Variants in TSPAN7 observed in about 807,000 individuals in gnomAD.
TSPAN7 encodes the protein tetraspanin-7.
A neutral mutation model predicts 17.6 loss-of-function variants in TSPAN7; 1 was observed. The observed-to-expected ratio is 0.06, with a 90% CI of 0.02 to 0.27. TSPAN7 has a LOEUF of 0.27. Among genes scored for constraint, TSPAN7 ranks in the 10% least tolerant of loss-of-function variants. The pLI, the probability that TSPAN7 is intolerant of heterozygous loss-of-function variation, is 1.00. For missense variants in TSPAN7, 112 were observed against 201.7 expected, an observed-to-expected ratio of 0.56 and a Z score of 2.69; for synonymous variants, 78 against 79.0, an observed-to-expected ratio of 0.99 and a Z score of 0.07.
intron 1 of TSPAN7, among the ~76,000 whole-genome samples, chrX:38,624,687 C>G (rs2069511092): frequency 8.9e-6 from 1 of 112,648 alleles, no homozygotes; most frequent in African/African-American, 3.2e-5. Context: ...TGTTTTTAAT[C>G]TTTCTGTATC....
chrX:38,563,134 G>C, intron 1 of TSPAN7: 6 of 965,898 alleles, frequency 6.2e-6, no homozygotes, highest in Non-Finnish European at 8.0e-6. Flanking sequence ...CTTCAAGTCA[G>C]GGAAGGTATG....
intron 1 of TSPAN7, chrX:38,646,320 A>T: frequency 5.2e-6 from 6 of 1,151,792 alleles, no homozygotes; most frequent in Non-Finnish European, 6.9e-6. Context: ...TTGGTAAGTA[A>T]ATTTTGTTGC....
At chrX:38,682,950 C>A in intron 6 of TSPAN7, among the ~76,000 whole-genome samples, 1 of 111,795 alleles carries the variant, frequency 8.9e-6, no homozygotes, top group Non-Finnish European at 1.9e-5. Flanking sequence ...GTATGTGTAG[C>A]ATCATATTGT....
intron 1 of TSPAN7, among the ~76,000 whole-genome samples, chrX:38,606,120 A>C (rs1445608322): frequency 9.2e-6 from 1 of 108,433 alleles, no homozygotes; most frequent in Non-Finnish European, 1.9e-5. Flanking sequence ...CAGAGTGAAC[A>C]GGCAACCTAC....
chrX:38,620,427 T>G (rs2069482489), intron 1 of TSPAN7, among the ~76,000 whole-genome samples: 1 of 111,693 alleles, frequency 9.0e-6, no homozygotes, highest in African/African-American at 3.3e-5. Context: ...ATCCCTTTCT[T>G]AGGGCCCTTG....
In TSPAN7 at chrX:38,666,229, G is replaced by A. The variant is rs1556001023; in HGVS notation, c.190G>A (p.Gly64Arg). Residue 64 changes from glycine (G) to arginine (R), a missense_variant, in exon 2 of 8, where the codon GGA becomes AGA. Physicochemically the swap from Gly to Arg is moderately radical, Grantham distance 125. Transcript: ENST00000378482. The part of the protein sequence containing the change: ...NSTNAPYVLI[G>R]TGTTIVVFGL... ...CACAAATGCTCCCTATGTGCTCATC[G>A]GAACTGGCACCACTATTGTTGTCTT... The A allele has an allele frequency of 8.3e-7, 1 of 1,211,583 alleles. No homozygotes were observed. The highest frequency in any genetic ancestry group is 1.1e-6 in the Non-Finnish European group (1 of 895,453).
At chrX:38,604,902 A>C (rs1261532486) in intron 1 of TSPAN7, among the ~76,000 whole-genome samples, 1 of 111,288 alleles carries the variant, frequency 9.0e-6, no homozygotes, top group Non-Finnish European at 1.9e-5. Context: ...TATTGATGGG[A>C]CGTATCTCAA....
chrX:38,563,530 G>A (rs976887453), intron 1 of TSPAN7, among the ~76,000 whole-genome samples: 1 of 111,135 alleles, frequency 9.0e-6, no homozygotes, highest in African/African-American at 3.3e-5. Flanking sequence ...TGCACATGAA[G>A]AAATATTGTT....
chrX:38,673,940 C>T lies in TSPAN7; in HGVS notation c.346-281C>T, dbSNP rs769215311. ...CCTGAGGTTTGGCAGCTCACCATCA[C>T]AGGCCTTTCAGAAATGGACAGGCCC... On this transcript the variant is annotated intron_variant, in intron 3 of 7. Coordinates refer to ENST00000378482, the MANE Select transcript of TSPAN7 (RefSeq NM_004615.4). 2.1e-4 allele frequency among the ~76,000 whole-genome samples: 23 copies of T among 111,553 alleles called. No homozygotes were observed. In the South Asian group the frequency reaches 8.7e-3, roughly 42 times the overall value.
chrX:38,647,924 C>A (rs2069653914), intron 1 of TSPAN7, among the ~76,000 whole-genome samples: 1 of 111,851 alleles, frequency 8.9e-6, no homozygotes, highest in East Asian at 2.8e-4. Flanking sequence ...ATTAACTATA[C>A]CAAGTAACCA....
intron 1 of TSPAN7, among the ~76,000 whole-genome samples, chrX:38,605,088 G>T (rs1417390782): frequency 9.2e-6 from 1 of 108,510 alleles, no homozygotes; most frequent in East Asian, 2.9e-4. Context: ...GGAAATAAAG[G>T]GTATTCAATT....
chrX:38,626,286 T>C (rs1177861764), intron 1 of TSPAN7, among the ~76,000 whole-genome samples: 1 of 111,808 alleles, frequency 8.9e-6, no homozygotes, highest in Non-Finnish European at 1.9e-5. Context: ...TTGGGAATAC[T>C]TCAGGACTGA....
At chrX:38,684,547 G>T (rs751944764) in intron 6 of TSPAN7, among the ~76,000 whole-genome samples, 1 of 111,513 alleles carries the variant, frequency 9.0e-6, no homozygotes, top group African/African-American at 3.3e-5. Flanking sequence ...TGGCCTGGAA[G>T]ACAAGAGCCA....
At chrX:38,674,343 GAACT>G (rs1245547345) in intron 4 of TSPAN7, 27 bp downstream of exon 4, 1 of 1,136,206 alleles carries the variant, frequency 8.8e-7, no homozygotes, top group Admixed American at 2.5e-5. Context: ...ATGAGGGTGT[GAACT>G]AACTATGAAG....
intron 1 of TSPAN7, among the ~76,000 whole-genome samples, chrX:38,593,270 T>C (rs1176363582): frequency 9.0e-6 from 1 of 111,135 alleles, no homozygotes; most frequent in Non-Finnish European, 1.9e-5. Context: ...TTCTTGAATA[T>C]GTGGGCTTAT....
In TSPAN7 at chrX:38,666,965, T is replaced by A. The variant is rs2069786663; in HGVS notation, c.270+656T>A. ...TTAAGCATGTGATATGCAGCTTTGG[T>A]GGCAAGGCAGCATCCTGAACATAAG... On this transcript the variant is annotated intron_variant, in intron 2 of 7. Coordinates refer to ENST00000378482, the MANE Select transcript of TSPAN7 (RefSeq NM_004615.4). Among the ~76,000 whole-genome samples, 2 of 112,082 alleles carry A rather than the reference T, an allele frequency of 1.8e-5. 1 individual carries two copies. Among genetic ancestry groups the A allele is most frequent in the Non-Finnish European group, 3.8e-5 (2 of 53,222 alleles).
intron 1 of TSPAN7, among the ~76,000 whole-genome samples, chrX:38,644,785 C>G (rs2069635334): frequency 8.9e-6 from 1 of 112,356 alleles, no homozygotes; most frequent in Non-Finnish European, 1.9e-5. Flanking sequence ...TTCTGATGTA[C>G]AAGGTGTTAT....
chrX:38,595,872 T>A (rs761029540), intron 1 of TSPAN7, among the ~76,000 whole-genome samples: 2 of 112,003 alleles, frequency 1.8e-5, no homozygotes, highest in East Asian at 5.6e-4. Context: ...GTGAACACAG[T>A]CTTCTTTTTA....
In TSPAN7 at chrX:38,668,119, T is replaced by C. The variant is rs144712541; in HGVS notation, c.270+1810T>C. Among the ~76,000 whole-genome samples, 44 of 112,444 alleles carry C rather than the reference T, an allele frequency of 3.9e-4. No individual in the cohort carries two copies. In the East Asian group the frequency reaches 0.011, roughly 28 times the overall value. ...AAGTGATGTGGTGTTGAGACCTGACTGATTCCAACTAACTGTTTAAAGTCT... is the reference window on the plus strand; with the variant it reads ...AAGTGATGTGGTGTTGAGACCTGACCGATTCCAACTAACTGTTTAAAGTCT... On this transcript the variant is annotated intron_variant, in intron 2 of 7. Transcript: ENST00000378482.
Sources: gnomAD v4.1 joint callset for allele counts (sites outside exome capture counted in the v4.1 genomes callset) on GRCh38, gnomAD v4.1.1 for gene constraint, MANE v1.5 for transcripts, NCBI Gene and HGNC (gene_info 2026-07-23, HGNC 2026-07-21) for gene names.